Variants in MAD1L1 observed in about 807,000 individuals in gnomAD.
MAD1L1 encodes the protein mitotic spindle assembly checkpoint protein MAD1.
MAD1L1 carries 95 observed loss-of-function variants against 96.9 expected under a neutral mutation model. The observed-to-expected ratio is 0.98, with a 90% confidence interval of 0.83 to 1.16. The LOEUF (loss-of-function observed/expected upper bound fraction) is 1.16, where lower values mean the gene tolerates loss of function less well. MAD1L1 is among the 50% of genes most tolerant of loss of function. The pLI, the probability that MAD1L1 is intolerant of heterozygous loss-of-function variation, is 0.00. For missense variants in MAD1L1, 1,007 were observed against 954.4 expected (o/e 1.06, Z -0.73); for synonymous variants, 473 against 396.6 (o/e 1.19, Z -2.29).
At chr7:1,854,048 G>A (rs1194576627) in intron 18 of MAD1L1, among the ~76,000 whole-genome samples, 1 of 152,210 alleles carries the variant, frequency 6.6e-6, no homozygotes, top group African/African-American at 2.4e-5. Context: ...ATTGTGAAGG[G>A]TAATTACCAG....
At chr7:2,083,475 G>A (rs1785755352) in intron 11 of MAD1L1, among the ~76,000 whole-genome samples, 2 of 152,242 alleles carry the variant, frequency 1.3e-5, no homozygotes, top group South Asian at 2.1e-4. Context: ...GAGAGGAGGT[G>A]CGGGGTGAGT....
At chr7:1,903,182 T>A (rs1453586822) in intron 17 of MAD1L1, among the ~76,000 whole-genome samples, 4 of 149,934 alleles carry the variant, frequency 2.7e-5, no homozygotes, top group Non-Finnish European at 5.9e-5. Flanking sequence ...AAGCACACGG[T>A]GGCCTATTGA....
intron 3 of MAD1L1, among the ~76,000 whole-genome samples, chr7:2,227,830 G>A (rs538640814): frequency 3.9e-5 from 6 of 152,308 alleles, no homozygotes; most frequent in South Asian, 4.2e-4. Flanking sequence ...GGGCACGACC[G>A]GCAGGGACCA....
chr7:2,190,163 G>C (rs1584510827), intron 10 of MAD1L1, among the ~76,000 whole-genome samples: 1 of 152,140 alleles, frequency 6.6e-6, no homozygotes, highest in Non-Finnish European at 1.5e-5. Context: ...AGAGTATTAG[G>C]AAGTGACAGT....
chr7:2,012,659 G>A (rs1782356219), intron 13 of MAD1L1, among the ~76,000 whole-genome samples: 1 of 152,324 alleles, frequency 6.6e-6, no homozygotes, highest in South Asian at 2.1e-4. Flanking sequence ...ACCAGTGCCT[G>A]AGGGTGGTCT....
At chr7:1,894,427 C>T (rs924125473) in intron 18 of MAD1L1, among the ~76,000 whole-genome samples, 4 of 152,162 alleles carry the variant, frequency 2.6e-5, no homozygotes, top group African/African-American at 9.7e-5. Flanking sequence ...ACGGGTGCAC[C>T]GTGGGCTGGA....
intron 11 of MAD1L1, chr7:2,089,050 G>A (rs1389733469): frequency 2.0e-5 from 3 of 152,328 alleles, no homozygotes; most frequent in African/African-American, 4.8e-5. Context: ...AAAGCAGGCA[G>A]GGATGGGTGT....
chr7:2,078,033 G>T (rs539910378), intron 11 of MAD1L1, among the ~76,000 whole-genome samples: 2 of 152,166 alleles, frequency 1.3e-5, no homozygotes, highest in East Asian at 3.9e-4. Context: ...ATCCACATTC[G>T]CTCCTTGCTA....
intron 14 of MAD1L1, among the ~76,000 whole-genome samples, chr7:1,982,065 G>A (rs1447399420): frequency 6.6e-6 from 1 of 152,118 alleles, no homozygotes; most frequent in African/African-American, 2.4e-5. Context: ...TGTTCCTTCC[G>A]GAGGCTGCTG....
At chr7:1,904,210 C>A (rs1238168289) in intron 17 of MAD1L1, among the ~76,000 whole-genome samples, 1 of 108,650 alleles carries the variant, frequency 9.2e-6, no homozygotes, top group Non-Finnish European at 1.8e-5. Context: ...AGGCAGCGAG[C>A]ACGCAGTGGC....
chr7:2,049,351 G>T, intron 12 of MAD1L1, among the ~76,000 whole-genome samples: 1 of 152,176 alleles, frequency 6.6e-6, no homozygotes, highest in African/African-American at 2.4e-5. Flanking sequence ...CCCGCCCAGG[G>T]TCAGACCCTC....
Position 1,904,447 on chromosome 7 carries a change from G to A in MAD1L1, c.1808-6057C>T, listed in dbSNP as rs368116890. ...AGTGGCCTATGAAAGATGCTCTTGC[G>A]GAACTCATAATTGATCAAGCACTGT... On this transcript the variant is annotated intron_variant, in intron 17 of 18. Transcript: ENST00000265854. Among the ~76,000 whole-genome samples the A allele has an allele frequency of 6.8e-4, 87 of 127,394 alleles. 1 individual carries two copies. The highest frequency in any genetic ancestry group is 1.9e-3 in the African/African-American group (52 of 27,620). 83.6% of individuals were successfully genotyped at this position (127,394 alleles called of 152,430 possible).
intron 18 of MAD1L1, among the ~76,000 whole-genome samples, chr7:1,862,160 A>T (rs1784564875): frequency 6.6e-6 from 1 of 152,072 alleles, no homozygotes; most frequent in Non-Finnish European, 1.5e-5. Context: ...CAAGAGCGGC[A>T]CCCCGCAGCC....
At chr7:1,911,301 T>A (rs1168358683) in intron 17 of MAD1L1, among the ~76,000 whole-genome samples, 1 of 152,128 alleles carries the variant, frequency 6.6e-6, no homozygotes, top group Admixed American at 6.6e-5. Context: ...CTACTTCCTG[T>A]CACCCTCCTC....
chr7:1,895,829 G>A (rs1269184577), intron 18 of MAD1L1, among the ~76,000 whole-genome samples: 3 of 152,244 alleles, frequency 2.0e-5, no homozygotes, highest in Non-Finnish European at 4.4e-5. Context: ...CGGGCCTTGG[G>A]CCAGGACAGG....
At chr7:2,222,902 C>T (rs140036916) in intron 4 of MAD1L1, 148 bp from the exon 5 acceptor site, 148 of 630,306 alleles carry the variant, frequency 2.3e-4, no homozygotes, top group African/African-American at 2.2e-3. Context: ...AGAACCAGGA[C>T]GGGACCTGGG....
chr7:2,222,600 T>A lies in MAD1L1; in HGVS notation c.446A>T (p.Glu149Val), dbSNP rs769062984. 1 of 1,611,170 alleles carries A rather than the reference T, an allele frequency of 6.2e-7. No individual in the cohort carries two copies. Among genetic ancestry groups the A allele is most frequent in the Non-Finnish European group, 8.5e-7 (1 of 1,178,984 alleles). The part of the protein sequence containing the change: ...DAASKRLREK[E>V]DSLAQAGETI... Reference sequence around the variant, plus strand: ...CTCGCCAGCCTGGGCCAGACTGTCCTCTTTCTCACGCAGCCTCTTGCTGGC... The same window carrying A: ...CTCGCCAGCCTGGGCCAGACTGTCCACTTTCTCACGCAGCCTCTTGCTGGC... Residue 149 changes from glutamate (E) to valine (V), a missense_variant, in exon 5 of 19, where the codon GAG (glutamate) becomes GTG (valine). Coordinates refer to ENST00000265854, the MANE Select transcript of MAD1L1 (RefSeq NM_001013836.2).
chr7:2,227,614 G>T (rs1049971497), intron 3 of MAD1L1, among the ~76,000 whole-genome samples: 7 of 152,244 alleles, frequency 4.6e-5, no homozygotes, highest in African/African-American at 1.7e-4. Flanking sequence ...ACAGGGGAGG[G>T]AAGTTTCTCT....
intron 11 of MAD1L1, among the ~76,000 whole-genome samples, chr7:2,144,168 C>G (rs899240356): frequency 6.6e-6 from 1 of 152,224 alleles, no homozygotes; most frequent in South Asian, 2.1e-4. Flanking sequence ...CTGTTTAGCC[C>G]GGGGCTCAAG....
Sources: allele counts gnomAD v4.1 joint callset (sites outside exome capture counted in the v4.1 genomes callset), GRCh38; gene constraint gnomAD v4.1.1; transcripts MANE v1.5; gene names NCBI Gene and HGNC (gene_info 2026-07-23, HGNC 2026-07-21).